PTPRD: variants seen among roughly 807,000 people sequenced by gnomAD.
PTPRD encodes the protein protein tyrosine phosphatase receptor type D, also known as receptor-type tyrosine-protein phosphatase delta.
In PTPRD, 34 loss-of-function variants were observed where a neutral mutation model predicts 214.5. The ratio of observed to expected loss-of-function variants is 0.16; its 90% confidence interval spans 0.12 to 0.21. PTPRD has a LOEUF of 0.21. Ranked by LOEUF, PTPRD falls within the 10% of genes least tolerant of loss-of-function variation. The pLI is 1.00. For missense variants in PTPRD, 2,545 were observed against 2,398.7 expected (o/e 1.06, Z -1.27); for synonymous variants, 1,128 against 845.7 (o/e 1.33, Z -5.79).
intron 3 of PTPRD, among the ~76,000 whole-genome samples, chr9:10,148,029 C>A (rs1467901811): frequency 1.3e-5 from 2 of 152,156 alleles, no homozygotes; most frequent in African/African-American, 4.8e-5. Context: ...ATCCAAAAGT[C>A]AAGAGAAATA....
At chr9:10,101,280 T>C (rs2154213853) in intron 3 of PTPRD, among the ~76,000 whole-genome samples, 1 of 151,720 alleles carries the variant, frequency 6.6e-6, no homozygotes, top group South Asian at 2.1e-4. Flanking sequence ...GTGTGGAAAT[T>C]GATGTAGGTG....
intron 11 of PTPRD, among the ~76,000 whole-genome samples, chr9:8,919,752 T>C (rs1458364845): frequency 6.6e-6 from 1 of 151,654 alleles, no homozygotes; most frequent in Admixed American, 6.6e-5. Flanking sequence ...CATGTATACA[T>C]GCATGCATGC....
chr9:8,383,174 A>G (rs184335771), intron 37 of PTPRD, among the ~76,000 whole-genome samples: 1 of 152,332 alleles, frequency 6.6e-6, no homozygotes, highest in Admixed American at 6.5e-5. Flanking sequence ...TTTGAGCACA[A>G]TCTCTTTTTC....
rs144106621 is a variant in PTPRD, at chr9:9,836,376, C to G, written c.-367-69525G>C. On this transcript the variant is annotated intron_variant, in intron 5 of 45. Transcript: ENST00000381196. The stretch of plus-strand genomic sequence containing the variant: ...CTCAGAAGCTCTCATTCTCTAATCT[C>G]TGATGGGACTGCTGAATGGGCTCAT... 2.7e-3 allele frequency among the ~76,000 whole-genome samples: 410 copies of G among 152,244 alleles called. 5 individuals are homozygous for G. The highest frequency in any genetic ancestry group is 3.0e-3 in the Non-Finnish European group (202 of 68,000).
At chr9:10,330,357 G>A (rs2154433978) in intron 3 of PTPRD, among the ~76,000 whole-genome samples, 2 of 151,918 alleles carry the variant, frequency 1.3e-5, no homozygotes, top group Middle Eastern at 6.8e-3. Flanking sequence ...ATAAAGGCAA[G>A]TTGCAAATTC....
chr9:8,654,569 A>G (rs184948972), intron 12 of PTPRD, among the ~76,000 whole-genome samples: 4 of 152,356 alleles, frequency 2.6e-5, no homozygotes, highest in Non-Finnish European at 5.9e-5. Context: ...AAAGCTATAT[A>G]ATCATTATAT....
At chr9:10,514,748 T>G (rs1342747971) in intron 2 of PTPRD, among the ~76,000 whole-genome samples, 1 of 151,990 alleles carries the variant, frequency 6.6e-6, no homozygotes, top group East Asian at 1.9e-4. Context: ...ATAAGCAAGA[T>G]AGTTTGTTGT....
chr9:8,376,806 A>AAAAC (rs1387147286), intron 37 of PTPRD, 80 bp from the exon 38 acceptor site: 2 of 1,568,980 alleles, frequency 1.3e-6, no homozygotes, highest in Non-Finnish European at 1.7e-6. Flanking sequence ...CTGTTGAAGG[A>AAAAC]AAACAGCTTT....
At chr9:9,442,236 G>A (rs1446763409) in intron 8 of PTPRD, 3 of 152,204 alleles carry the variant, frequency 2.0e-5, no homozygotes, top group Non-Finnish European at 2.9e-5. Flanking sequence ...TGCCTAAGGA[G>A]GGGTGAACCG....
At chr9:9,859,499 T>A (rs976351208) in intron 5 of PTPRD, among the ~76,000 whole-genome samples, 1 of 152,176 alleles carries the variant, frequency 6.6e-6, no homozygotes, top group Non-Finnish European at 1.5e-5. Context: ...AACATCCTTA[T>A]CCTGAGCCAA....
At chr9:10,076,261 A>G (rs576053991) in intron 3 of PTPRD, among the ~76,000 whole-genome samples, 1 of 152,108 alleles carries the variant, frequency 6.6e-6, no homozygotes, top group Admixed American at 6.6e-5. Context: ...GCTGCAAGCT[A>G]TCTTCTTGAA....
intron 26 of PTPRD, among the ~76,000 whole-genome samples, chr9:8,493,592 T>C (rs531637719): frequency 3.2e-4 from 49 of 152,262 alleles, no homozygotes; most frequent in African/African-American, 1.0e-3. Flanking sequence ...TATTAATGGA[T>C]TGTATTATCA....
intron 10 of PTPRD, among the ~76,000 whole-genome samples, chr9:9,028,492 A>G (rs1465165227): frequency 6.6e-6 from 1 of 151,994 alleles, no homozygotes; most frequent in Non-Finnish European, 1.5e-5. Flanking sequence ...AACCTAAACT[A>G]ACAATTAAAT....
chr9:8,869,582 G>C (rs576413463), intron 11 of PTPRD, among the ~76,000 whole-genome samples: 6 of 152,158 alleles, frequency 3.9e-5, no homozygotes, highest in Admixed American at 2.0e-4. Context: ...AGGTAATTCT[G>C]AAAACCACCA....
intron 7 of PTPRD, among the ~76,000 whole-genome samples, chr9:9,665,166 C>T (rs1174224516): frequency 6.6e-6 from 1 of 151,558 alleles, no homozygotes; most frequent in African/African-American, 2.4e-5. Context: ...AAAGTACTAG[C>T]TATAGAAAAT....
At chr9:8,617,919 T>C (rs1326247538) in intron 14 of PTPRD, among the ~76,000 whole-genome samples, 1 of 152,128 alleles carries the variant, frequency 6.6e-6, no homozygotes, top group African/African-American at 2.4e-5. Context: ...TGTACCGTCT[T>C]TGAGTCTTGC....
At chr9:8,957,592 C>T (rs192485463) in intron 11 of PTPRD, among the ~76,000 whole-genome samples, 6 of 151,934 alleles carry the variant, frequency 3.9e-5, no homozygotes, top group Admixed American at 2.6e-4. Context: ...ATTTATTGCA[C>T]GATTCCTTGT....
At chr9:9,508,951 C>T (rs1275255242) in intron 8 of PTPRD, among the ~76,000 whole-genome samples, 1 of 151,506 alleles carries the variant, frequency 6.6e-6, no homozygotes, top group African/African-American at 2.4e-5. Context: ...TTACATGTTA[C>T]TGCGTTCGCT....
intron 11 of PTPRD, among the ~76,000 whole-genome samples, chr9:8,898,470 A>G (rs2098638642): frequency 6.6e-6 from 1 of 152,194 alleles, no homozygotes; most frequent in South Asian, 2.1e-4. Flanking sequence ...GTAGGTGGCA[A>G]TCCAGATTTC....
Sources: gnomAD v4.1 joint callset for allele counts (sites outside exome capture counted in the v4.1 genomes callset) on GRCh38, gnomAD v4.1.1 for gene constraint, MANE v1.5 for transcripts, NCBI Gene and HGNC (gene_info 2026-07-23, HGNC 2026-07-21) for gene names.